CCDC141: variants seen among roughly 807,000 people sequenced by gnomAD.
CCDC141 encodes the protein coiled-coil domain-containing protein 141.
In CCDC141, 168 loss-of-function variants were observed where a neutral mutation model predicts 181.0. The ratio of observed to expected loss-of-function variants is 0.93; its 90% CI spans 0.82 to 1.05. The LOEUF (loss-of-function observed/expected upper bound fraction) is 1.05, where lower values mean the gene tolerates loss of function less well. CCDC141 is among the 50% of genes least tolerant of loss of function. The pLI, the probability that CCDC141 is intolerant of heterozygous loss-of-function variation, is 0.00. For missense variants in CCDC141, 1,902 were observed against 1,788.5 expected (o/e 1.06, Z -1.14); for synonymous variants, 666 against 642.3 (o/e 1.04, Z -0.56).
At chr2:178,886,998 TAATC>T in intron 9 of CCDC141, 127 bp from the exon 10 acceptor site, 1 of 532,838 alleles carries the variant, frequency 1.9e-6, no homozygotes, top group Non-Finnish European at 3.0e-6. Context: ...TTATCAGTAT[TAATC>T]TAATATAGTT....
Position 178,863,024 on chromosome 2 carries a change from A to G in CCDC141, c.2724+2743T>C, listed in dbSNP as rs148727532. ...AGGGATAGAAGAGGAAAGCATAAAA[A>G]AAAGAAGATATTTAACATCAGACCA... On this transcript the variant is annotated intron_variant, in intron 17 of 23. Transcript: ENST00000443758. Among the ~76,000 whole-genome samples, 198 of 152,354 alleles carry G rather than the reference A, an allele frequency of 1.3e-3. 1 individual carries two copies. Among genetic ancestry groups the G allele is most frequent in the African/African-American group, 4.6e-3 (191 of 41,588 alleles).
chr2:178,856,456 G>A, intron 17 of CCDC141, 59 bp from the exon 18 acceptor site: 2 of 1,315,236 alleles, frequency 1.5e-6, no homozygotes, highest in Non-Finnish European at 2.1e-6. Flanking sequence ...AAAGTCACTT[G>A]CAATAAATCA....
chr2:179,006,722 T>A (rs1018798734), intron 2 of CCDC141, among the ~76,000 whole-genome samples: 5 of 152,162 alleles, frequency 3.3e-5, no homozygotes, highest in Non-Finnish European at 7.4e-5. Flanking sequence ...AATACAAGAA[T>A]AAAACCATTG....
chr2:178,855,464 ATTAACT>A lies in CCDC141; in HGVS notation c.2937_2942del (p.Lys979_Val980del), dbSNP rs752767266. 6.2e-7 allele frequency: 1 copy of A among 1,611,284 alleles called. No homozygotes were observed. The highest frequency in any genetic ancestry group is 8.5e-7 in the Non-Finnish European group (1 of 1,178,540). On this transcript the variant is annotated inframe_deletion, in exon 19 of 24. Coordinates refer to ENST00000443758, the MANE Select transcript of CCDC141 (RefSeq NM_173648.4). ...AATCCTTCATGACTTCCAAAAGGAC[ATTAACT>A]TTATCACTTGGATAATTTAAGAAAG...
chr2:178,987,268 T>C (rs1214847006), intron 2 of CCDC141, among the ~76,000 whole-genome samples: 3 of 151,904 alleles, frequency 2.0e-5, no homozygotes, highest in African/African-American at 7.3e-5. Context: ...TAGCCATATG[T>C]AGAAAGCTGA....
At chr2:179,019,314 T>C (rs190404768) in intron 2 of CCDC141, among the ~76,000 whole-genome samples, 39 of 152,244 alleles carry the variant, frequency 2.6e-4, no homozygotes, top group Non-Finnish European at 4.3e-4. Context: ...GAAGCACCTT[T>C]ATATTTATAA....
At chr2:179,031,416 A>G in intron 2 of CCDC141, among the ~76,000 whole-genome samples, 1 of 151,944 alleles carries the variant, frequency 6.6e-6, no homozygotes, top group South Asian at 2.1e-4. Context: ...TGGCTGAGAA[A>G]GCATTTCAAA....
chr2:178,860,714 TC>T (rs1685574975), intron 17 of CCDC141, among the ~76,000 whole-genome samples: 1 of 151,748 alleles, frequency 6.6e-6, no homozygotes, highest in Admixed American at 6.6e-5. Flanking sequence ...TTGGCCTCCT[TC>T]CATTTGGCAA....
At chr2:179,018,101 ACT>A (rs961477473) in intron 2 of CCDC141, among the ~76,000 whole-genome samples, 26 of 152,034 alleles carry the variant, frequency 1.7e-4, no homozygotes, top group African/African-American at 5.8e-4. Flanking sequence ...TGAAAAATGC[ACT>A]CTGTCTTTTT....
intron 2 of CCDC141, among the ~76,000 whole-genome samples, chr2:178,993,035 C>T (rs1479823197): frequency 6.6e-6 from 1 of 152,146 alleles, no homozygotes; most frequent in Non-Finnish European, 1.5e-5. Context: ...ATAAATTAGC[C>T]AGTTTCGGGT....
In CCDC141 at chr2:178,959,329, G is replaced by GA. The variant is rs541484467; in HGVS notation, c.780+1900dup. On this transcript the variant is annotated intron_variant, in intron 5 of 23. Coordinates refer to ENST00000443758, the MANE Select transcript of CCDC141 (RefSeq NM_173648.4). The stretch of plus-strand genomic sequence containing the variant: ...TAAAAATAAAAAATAAAACACTACA[G>GA]AAAAAAAAAAGAATGAAGAGATAAA... Among the ~76,000 whole-genome samples, 884 of 147,354 alleles carry GA rather than the reference G, an allele frequency of 6.0e-3. 4 individuals are homozygous for GA. The highest frequency in any genetic ancestry group is 9.5e-3 in the Non-Finnish European group (629 of 66,556).
At chr2:178,930,687 A>G (rs1356217508) in intron 6 of CCDC141, among the ~76,000 whole-genome samples, 1 of 152,132 alleles carries the variant, frequency 6.6e-6, no homozygotes, top group African/African-American at 2.4e-5. Flanking sequence ...TGAGTGTGCC[A>G]AAGTCCTTCA....
intron 2 of CCDC141, among the ~76,000 whole-genome samples, chr2:179,026,181 C>A (rs752684867): frequency 5.2e-4 from 79 of 152,126 alleles, no homozygotes; most frequent in Non-Finnish European, 7.6e-4. Flanking sequence ...CACAATGGAG[C>A]AAATGTCTCC....
At chr2:178,969,191 C>T (rs1690770928) in intron 4 of CCDC141, among the ~76,000 whole-genome samples, 2 of 150,426 alleles carry the variant, frequency 1.3e-5, no homozygotes, top group Non-Finnish European at 2.9e-5. Context: ...GAGCTGGTAC[C>T]ATTCCTTCTG....
chr2:178,936,078 T>A (rs1339753806), intron 6 of CCDC141, among the ~76,000 whole-genome samples: 2 of 152,202 alleles, frequency 1.3e-5, no homozygotes, highest in Non-Finnish European at 2.9e-5. Flanking sequence ...TTTCTTTTGC[T>A]TTGCAGAAGC....
chr2:178,971,112 A>T (rs1219178778), intron 4 of CCDC141, among the ~76,000 whole-genome samples: 1 of 152,064 alleles, frequency 6.6e-6, no homozygotes, highest in African/African-American at 2.4e-5. Flanking sequence ...GGAGGCTGAG[A>T]CAGAAGAATC....
intron 16 of CCDC141, among the ~76,000 whole-genome samples, chr2:178,867,382 A>T (rs1363104411): frequency 1.3e-5 from 2 of 152,216 alleles, no homozygotes; most frequent in African/African-American, 4.8e-5. Context: ...GAGCAAAATT[A>T]ATTTTTATAA....
At chr2:178,877,137 G>T (rs371837841) in intron 12 of CCDC141, 1 of 152,220 alleles carries the variant, frequency 6.6e-6, no homozygotes. Flanking sequence ...GGGGGGATCA[G>T]CATAGAAAGA....
intron 8 of CCDC141, among the ~76,000 whole-genome samples, chr2:178,895,173 C>T (rs1234751260): frequency 6.6e-6 from 1 of 152,126 alleles, no homozygotes; most frequent in East Asian, 1.9e-4. Flanking sequence ...TATGTGCTTT[C>T]CCTTAAACTA....
Sources: allele counts gnomAD v4.1 joint callset (sites outside exome capture counted in the v4.1 genomes callset), GRCh38; gene constraint gnomAD v4.1.1; transcripts MANE v1.5; gene names NCBI Gene and HGNC (gene_info 2026-07-23, HGNC 2026-07-21).